DLC1: variants seen among roughly 807,000 people sequenced by gnomAD.
The protein encoded by DLC1 is rho GTPase-activating protein 7.
Under a neutral mutation model 140.3 loss-of-function variants are expected in DLC1, and 54 were observed. That is an observed-to-expected ratio of 0.38 (90% CI 0.31 to 0.48). DLC1 has a LOEUF of 0.48. Among genes scored for constraint, DLC1 ranks in the 20% least tolerant of loss-of-function variants. DLC1 has a pLI of 0.96. For synonymous variants in DLC1, 986 were observed against 728.1 expected (o/e 1.35, Z -5.70); for missense variants, 2,536 against 1,907.0 (o/e 1.33, Z -6.14).
In DLC1 at chr8:13,226,772, G is replaced by A. The variant is rs116522149; in HGVS notation, c.1348+78497C>T. 5.5e-3 allele frequency among the ~76,000 whole-genome samples: 838 copies of A among 152,284 alleles called. 6 individuals are homozygous for A. Among genetic ancestry groups the A allele is most frequent in the African/African-American group, 0.019 (794 of 41,550 alleles). On this transcript the variant is annotated intron_variant, in intron 5 of 17. Transcript: ENST00000276297. ...CCCTGACTTGCTGCCACACATCACT[G>A]TAAGTTCCATTGACTCAGAGTAGCT...
chr8:13,353,249 G>T (rs1341356908), intron 4 of DLC1, among the ~76,000 whole-genome samples: 1 of 152,122 alleles, frequency 6.6e-6, no homozygotes, highest in African/African-American at 2.4e-5. Context: ...TGGACATTTT[G>T]ATTAAAAGTT....
chr8:13,603,824 C>G (rs1231412894), intron 1 of DLC1, among the ~76,000 whole-genome samples: 1 of 152,044 alleles, frequency 6.6e-6, no homozygotes, highest in Non-Finnish European at 1.5e-5. Context: ...GGCAACCGAT[C>G]ATTTCATTTG....
At chr8:13,458,860 G>T (rs1356480102) in intron 2 of DLC1, among the ~76,000 whole-genome samples, 2 of 151,212 alleles carry the variant, frequency 1.3e-5, no homozygotes, top group African/African-American at 4.8e-5. Flanking sequence ...TATGACTATT[G>T]TTAAAAATCT....
intron 2 of DLC1, among the ~76,000 whole-genome samples, chr8:13,413,256 A>ATGTTTTTTTTTTTTTTTTTT (rs1837875443): frequency 1.2e-5 from 1 of 82,004 alleles, no homozygotes; most frequent in Non-Finnish European, 2.3e-5. Context: ...TTTTTTTGCG[A>ATGTTTTTTTTTTTTTTTTTT]TTTTTTTTTT....
chr8:13,120,755 C>T (rs1037659511), intron 5 of DLC1, among the ~76,000 whole-genome samples: 17 of 152,094 alleles, frequency 1.1e-4, no homozygotes, highest in African/African-American at 3.6e-4. Flanking sequence ...TTTCACAAAG[C>T]AGTTCTGGAC....
chr8:13,129,628 T>C (rs1258635979), intron 5 of DLC1, among the ~76,000 whole-genome samples: 2 of 152,196 alleles, frequency 1.3e-5, no homozygotes, highest in African/African-American at 2.4e-5. Context: ...GTAATTCAAA[T>C]CATTGGACTG....
At chr8:13,195,399 C>G (rs1349617933) in intron 5 of DLC1, among the ~76,000 whole-genome samples, 1 of 152,164 alleles carries the variant, frequency 6.6e-6, no homozygotes. Flanking sequence ...ACATTTTGAG[C>G]CTTCCTATAT....
chr8:13,578,194 C>T (rs1246470937), intron 1 of DLC1, among the ~76,000 whole-genome samples: 1 of 152,120 alleles, frequency 6.6e-6, no homozygotes, highest in African/African-American at 2.4e-5. Context: ...AGGATGACCA[C>T]ATGGCCACCC....
At chr8:13,220,888 C>A (rs1341106588) in intron 5 of DLC1, among the ~76,000 whole-genome samples, 2 of 152,076 alleles carry the variant, frequency 1.3e-5, no homozygotes, top group Non-Finnish European at 2.9e-5. Context: ...TGGGCCCTGC[C>A]AGGCAAGCTC....
intron 1 of DLC1, among the ~76,000 whole-genome samples, chr8:13,537,481 G>T (rs1472354415): frequency 6.6e-6 from 1 of 152,098 alleles, no homozygotes; most frequent in Non-Finnish European, 1.5e-5. Context: ...GTTGTTTTAT[G>T]CTATGAATCA....
At chr8:13,260,602 G>A (rs902625390) in intron 5 of DLC1, among the ~76,000 whole-genome samples, 1 of 152,226 alleles carries the variant, frequency 6.6e-6, no homozygotes, top group Admixed American at 6.5e-5. Flanking sequence ...GAGTTTAAAG[G>A]TGAGGATAGG....
At position 13,363,371 on chromosome 8, in the gene DLC1, G is replaced by GTT. The variant is rs57084358; in HGVS notation, c.1314+30180_1314+30181dup. On this transcript the variant is annotated intron_variant, in intron 4 of 17. Transcript: ENST00000276297. ...TACGTGAATGCTAAGCATTTGCAGT[G>GTT]TTTTTTTTTTTTTTTTAAACTTTAT... Among the ~76,000 whole-genome samples, 692 of 144,164 alleles carry GTT rather than the reference G, an allele frequency of 4.8e-3. 3 individuals carry two copies. The highest frequency in any genetic ancestry group is 0.029 in the East Asian group (141 of 4,872). The allele number at this position is 144,164 out of a possible 152,430, so 94.6% of individuals were successfully genotyped here. A position where few individuals can be genotyped will look rare whatever the true frequency, so the allele number is the denominator to read the frequency against.
intron 5 of DLC1, among the ~76,000 whole-genome samples, chr8:13,139,250 C>G (rs987030846): frequency 3.1e-5 from 4 of 128,904 alleles, no homozygotes; most frequent in Non-Finnish European, 6.2e-5. Context: ...GAATGTGCCA[C>G]TGCACTCCAG....
At chr8:13,366,708 G>A (rs1190573721) in intron 4 of DLC1, among the ~76,000 whole-genome samples, 6 of 152,016 alleles carry the variant, frequency 3.9e-5, no homozygotes, top group Middle Eastern at 3.2e-3. Flanking sequence ...CTCTCCTTTC[G>A]GATGCCCTCT....
Position 13,319,819 on chromosome 8 carries a change from CTCTTTTT to C in DLC1, c.1315-14524_1315-14518del, listed in dbSNP as rs1298411590. Among the ~76,000 whole-genome samples, 3 of 76,150 alleles carry C rather than the reference CTCTTTTT, an allele frequency of 3.9e-5. 1 individual carries two copies. The highest frequency in any genetic ancestry group is 4.6e-5 in the Non-Finnish European group (2 of 43,092). The allele number at this position is 76,150 out of a possible 152,430, so 50.0% of individuals were successfully genotyped here. A position where few individuals can be genotyped will look rare whatever the true frequency, so the allele number is the denominator to read the frequency against. On this transcript the variant is annotated intron_variant, in intron 4 of 17. Coordinates refer to ENST00000276297, the MANE Select transcript of DLC1 (RefSeq NM_182643.3). ...CCAACCATTGTTTAATTCTCTCTCT[CTCTTTTT>C]TTTTTTTTTTTTTTGAGATGGAGTC...
chr8:13,472,017 G>T (rs1386396417), intron 2 of DLC1, among the ~76,000 whole-genome samples: 10 of 152,210 alleles, frequency 6.6e-5, no homozygotes, highest in Admixed American at 3.9e-4. Context: ...CGCACGGAAA[G>T]TCTGTTTCTA....
At chr8:13,535,517 A>G (rs2117316764) in intron 1 of DLC1, among the ~76,000 whole-genome samples, 1 of 152,172 alleles carries the variant, frequency 6.6e-6, no homozygotes, top group East Asian at 1.9e-4. Context: ...GCAAATTTTA[A>G]CACTTAAAAA....
intron 5 of DLC1, among the ~76,000 whole-genome samples, chr8:13,174,828 A>AT (rs200701551): frequency 0.014 from 2,182 of 151,034 alleles, 59 homozygotes; most frequent in African/African-American, 0.049. Context: ...TCCATTGATA[A>AT]TTTTTTTTTG....
At chr8:13,153,800 C>T (rs1022782236) in intron 5 of DLC1, among the ~76,000 whole-genome samples, 2 of 150,994 alleles carry the variant, frequency 1.3e-5, no homozygotes, top group Non-Finnish European at 2.9e-5. Flanking sequence ...TTTACAATCC[C>T]TGAGCTACAC....
Sources: gnomAD v4.1 joint callset for allele counts (sites outside exome capture counted in the v4.1 genomes callset) on GRCh38, gnomAD v4.1.1 for gene constraint, MANE v1.5 for transcripts, NCBI Gene and HGNC (gene_info 2026-07-23, HGNC 2026-07-21) for gene names.